The following CAST variants were observed in gnomAD, a reference collection of about 807,000 sequenced individuals.
The protein encoded by CAST is calpastatin, also known as MIR583 host.
CAST carries 76 observed loss-of-function variants against 119.6 expected under a neutral mutation model. That is an observed-to-expected ratio of 0.64 (90% CI 0.53 to 0.77). CAST has a LOEUF of 0.77. Among genes scored for constraint, CAST ranks in the 30% least tolerant of loss-of-function variants. The pLI is 0.00. For missense variants in CAST, 953 were observed against 946.5 expected (o/e 1.01, Z -0.09); for synonymous variants, 319 against 331.6 (o/e 0.96, Z 0.41).
At chr5:96,625,834 C>T (rs371335207) in intron 1 of CAST, among the ~76,000 whole-genome samples, 9 of 152,244 alleles carry the variant, frequency 5.9e-5, no homozygotes, top group African/African-American at 1.4e-4. Flanking sequence ...TGCCTGTCAC[C>T]GGCTGAGCAT....
At chr5:96,565,078 G>GT (rs1491574788) in intron 1 of CAST, among the ~76,000 whole-genome samples, 6 of 264 alleles carry the variant, frequency 0.023, no homozygotes, top group Non-Finnish European at 0.035. Flanking sequence ...CATGGGAAAG[G>GT]TGTGTGTGTG....
chr5:96,410,495 T>C, the CAST span, among the ~76,000 whole-genome samples: 3 of 151,860 alleles, frequency 2.0e-5, no homozygotes, highest in Non-Finnish European at 4.4e-5. Context: ...AGAAAAGACA[T>C]TTGGAGTCTC....
chr5:96,458,743 A>C, the CAST span, among the ~76,000 whole-genome samples: 22 of 152,050 alleles, frequency 1.4e-4, no homozygotes, highest in African/African-American at 5.3e-4. Flanking sequence ...CTTTTAAGGG[A>C]TGTCATAAGA....
the CAST span, among the ~76,000 whole-genome samples, chr5:96,380,995 T>G: frequency 6.6e-6 from 1 of 152,184 alleles, no homozygotes; most frequent in East Asian, 1.9e-4. Context: ...TGAATCTTGG[T>G]GTAGTATCAC....
the CAST span, chr5:96,433,220 A>G: frequency 4.6e-6 from 3 of 652,500 alleles, no homozygotes; most frequent in Non-Finnish European, 8.3e-6. Flanking sequence ...GCGAGCGCTC[A>G]GTGAAGCGCT....
chr5:96,082,470 T>A, the CAST span, among the ~76,000 whole-genome samples: 35 of 152,298 alleles, frequency 2.3e-4, no homozygotes, highest in African/African-American at 8.2e-4. Flanking sequence ...ACACTCTAGG[T>A]CCTCTGACAC....
intron 1 of CAST, among the ~76,000 whole-genome samples, chr5:96,555,023 T>C (rs569424890): frequency 9.8e-5 from 15 of 152,298 alleles, no homozygotes; most frequent in Admixed American, 7.8e-4. Context: ...GAACTAGAAA[T>C]ACCATTTGAC....
At chr5:96,527,776 G>C (rs940043046), upstream of CAST, among the ~76,000 whole-genome samples, 3 of 152,094 alleles carry the variant, frequency 2.0e-5, no homozygotes, top group African/African-American at 7.2e-5. Flanking sequence ...GCCCATTCTA[G>C]AGCCAATATC....
chr5:96,081,665 C>T, the CAST span, among the ~76,000 whole-genome samples: 1,078 of 152,208 alleles, frequency 7.1e-3, 9 homozygotes, highest in African/African-American at 0.025. Context: ...GATGCTCACC[C>T]ACTCCCAGCC....
chr5:96,148,676 A>G, the CAST span, among the ~76,000 whole-genome samples: 1 of 152,146 alleles, frequency 6.6e-6, no homozygotes, highest in Admixed American at 6.6e-5. Flanking sequence ...AATCAGGGAC[A>G]CTCTTTTGGT....
chr5:96,531,744 T>C (rs1745692847), intron 1 of CAST, among the ~76,000 whole-genome samples: 3 of 152,216 alleles, frequency 2.0e-5, no homozygotes, highest in Admixed American at 2.0e-4. Context: ...AGAAACTTCA[T>C]TAAACTTTCT....
intron 1 of CAST, among the ~76,000 whole-genome samples, chr5:96,617,108 A>T (rs1747474967): frequency 6.6e-6 from 1 of 152,184 alleles, no homozygotes; most frequent in African/African-American, 2.4e-5. Context: ...AAATAAAGAC[A>T]CCTTTTATTT....
At chr5:96,384,183 C>A in the CAST span, among the ~76,000 whole-genome samples, 1 of 152,244 alleles carries the variant, frequency 6.6e-6, no homozygotes, top group East Asian at 1.9e-4. Context: ...GAATCCTCCC[C>A]AGCATTCCTT....
chr5:96,369,392 C>T, the CAST span, among the ~76,000 whole-genome samples: 1 of 151,942 alleles, frequency 6.6e-6, no homozygotes, highest in Admixed American at 6.6e-5. Flanking sequence ...TGCTTGTTGG[C>T]TTTGTCTTCT....
At chr5:96,164,121 C>G in the CAST span, among the ~76,000 whole-genome samples, 3 of 152,130 alleles carry the variant, frequency 2.0e-5, no homozygotes, top group Non-Finnish European at 2.9e-5. Context: ...GTATTTTTCA[C>G]TCTGTTCTCT....
the CAST span, among the ~76,000 whole-genome samples, chr5:96,073,881 T>A: frequency 6.6e-6 from 1 of 152,170 alleles, no homozygotes. Flanking sequence ...GAACACTGGG[T>A]ATTTATTGAT....
chr5:96,628,866 C>G (rs201373557), intron 1 of CAST, among the ~76,000 whole-genome samples: 52 of 151,906 alleles, frequency 3.4e-4, no homozygotes, highest in Non-Finnish European at 4.1e-4. Context: ...ACATGAGGGG[C>G]GGGGGGTCAT....
intron 11 of CAST, among the ~76,000 whole-genome samples, chr5:96,739,483 A>G (rs936817448): frequency 1.3e-5 from 2 of 152,254 alleles, no homozygotes; most frequent in African/African-American, 4.8e-5. Flanking sequence ...CATTTATATA[A>G]CATTGGAAAA....
At chr5:96,719,056 G>T (rs1757724682) in intron 3 of CAST, among the ~76,000 whole-genome samples, 1 of 152,116 alleles carries the variant, frequency 6.6e-6, no homozygotes, top group African/African-American at 2.4e-5. Flanking sequence ...CTAATGTGTG[G>T]TAGACAAAGA....
Sources: gnomAD v4.1 joint callset for allele counts (sites outside exome capture counted in the v4.1 genomes callset) on GRCh38, gnomAD v4.1.1 for gene constraint, MANE v1.5 for transcripts, NCBI Gene and HGNC (gene_info 2026-07-23, HGNC 2026-07-21) for gene names.